Variants in JPH2 observed in about 807,000 individuals in gnomAD.
The protein encoded by JPH2 is junctophilin-2.
In JPH2, 38 loss-of-function variants were observed where a neutral mutation model predicts 55.9. The ratio of observed to expected loss-of-function variants is 0.68; its 90% CI spans 0.52 to 0.89. The LOEUF is 0.89. Ranked by LOEUF, JPH2 falls within the 40% of genes least tolerant of loss-of-function variation. The pLI, the probability that JPH2 is intolerant of heterozygous loss-of-function variation, is 0.00. For missense variants in JPH2, 964 were observed against 1,037.6 expected, an observed-to-expected ratio of 0.93 and a Z score of 0.97; for synonymous variants, 480 against 472.4, an observed-to-expected ratio of 1.02 and a Z score of -0.21.
At chr20:44,161,543 T>G (rs2072610041) in intron 1 of JPH2, among the ~76,000 whole-genome samples, 1 of 152,060 alleles carries the variant, frequency 6.6e-6, no homozygotes, top group Non-Finnish European at 1.5e-5. Context: ...TCCCTGTACC[T>G]TAGCTTCCTT....
intron 1 of JPH2, chr20:44,177,976 A>C: frequency 2.0e-6 from 2 of 1,023,804 alleles, no homozygotes; most frequent in Non-Finnish European, 3.1e-6. Flanking sequence ...CACATCCCTA[A>C]AGGAAAAAAG....
At chr20:44,120,169 G>A (rs570429368) in intron 2 of JPH2, among the ~76,000 whole-genome samples, 30 of 152,020 alleles carry the variant, frequency 2.0e-4, no homozygotes, top group Non-Finnish European at 3.4e-4. Flanking sequence ...TCTACTTCTA[G>A]GGAATCTAAC....
chr20:44,165,488 A>C (rs889558655), intron 1 of JPH2, among the ~76,000 whole-genome samples: 1 of 152,000 alleles, frequency 6.6e-6, no homozygotes, highest in African/African-American at 2.4e-5. Flanking sequence ...TCCTGATTCC[A>C]CTCTTGCCCC....
At chr20:44,140,190 A>G (rs777575235) in intron 2 of JPH2, among the ~76,000 whole-genome samples, 3 of 152,068 alleles carry the variant, frequency 2.0e-5, no homozygotes, top group Non-Finnish European at 4.4e-5. Flanking sequence ...TTTTTTTTTA[A>G]TAAAGGAAAA....
intron 1 of JPH2, among the ~76,000 whole-genome samples, chr20:44,185,469 A>ATAAT (rs1555862061): frequency 1.3e-5 from 2 of 149,652 alleles, no homozygotes; most frequent in African/African-American, 4.9e-5. Flanking sequence ...ACAAAAAAAA[A>ATAAT]AATAATAATA....
At chr20:44,145,167 C>T (rs150770178) in intron 2 of JPH2, among the ~76,000 whole-genome samples, 5 of 152,140 alleles carry the variant, frequency 3.3e-5, no homozygotes, top group Non-Finnish European at 7.4e-5. Context: ...ATCCGAATCC[C>T]TGGGGCTCAG....
chr20:44,176,587 G>A lies in JPH2; in HGVS notation c.379+9740C>T, dbSNP rs989361854. 2.0e-5 allele frequency among the ~76,000 whole-genome samples: 3 copies of A among 151,840 alleles called. No individual in the cohort carries two copies. In the East Asian group the frequency reaches 5.8e-4, roughly 29 times the overall value. ...GAAGCTGAGGCAGGAGGATGGCTCG[G>A]GCTCAGAAGTTTGAGACCAGCCAGG... On this transcript the variant is annotated intron_variant, in intron 1 of 5. Transcript: ENST00000372980.
At chr20:44,158,618 A>G (rs892482620) in intron 2 of JPH2, among the ~76,000 whole-genome samples, 2 of 152,230 alleles carry the variant, frequency 1.3e-5, no homozygotes, top group African/African-American at 4.8e-5. Context: ...TCTGAAGCAC[A>G]ATGAGAAGAC....
At chr20:44,151,906 C>T (rs558506631) in intron 2 of JPH2, among the ~76,000 whole-genome samples, 14 of 152,320 alleles carry the variant, frequency 9.2e-5, no homozygotes, top group East Asian at 3.9e-4. Context: ...CTACCTGGAA[C>T]GACCTTTCTC....
intron 1 of JPH2, among the ~76,000 whole-genome samples, chr20:44,178,251 A>C (rs2072751480): frequency 6.6e-6 from 1 of 152,278 alleles, no homozygotes; most frequent in Admixed American, 6.5e-5. Flanking sequence ...TTAACTGAGC[A>C]AGGTAAAAGA....
intron 2 of JPH2, among the ~76,000 whole-genome samples, chr20:44,129,276 C>T (rs965480745): frequency 2.0e-5 from 3 of 152,128 alleles, no homozygotes; most frequent in Admixed American, 6.5e-5. Flanking sequence ...GCTTAGCGGC[C>T]GGGCGCGGCG....
At chr20:44,142,469 T>C (rs1218733555) in intron 2 of JPH2, among the ~76,000 whole-genome samples, 1 of 152,038 alleles carries the variant, frequency 6.6e-6, no homozygotes, top group Non-Finnish European at 1.5e-5. Flanking sequence ...CTCCTCACTG[T>C]CCCCAGAGCA....
intron 2 of JPH2, among the ~76,000 whole-genome samples, chr20:44,146,174 C>T (rs1034230525): frequency 3.3e-5 from 5 of 152,066 alleles, no homozygotes; most frequent in African/African-American, 1.2e-4. Flanking sequence ...GCTGGGACTA[C>T]AGGCGCCCAC....
At chr20:44,165,468 C>T (rs1378186671) in intron 1 of JPH2, among the ~76,000 whole-genome samples, 1 of 152,190 alleles carries the variant, frequency 6.6e-6, no homozygotes, top group Non-Finnish European at 1.5e-5. Context: ...TAGTGACTGC[C>T]ATACTGGTCT....
At chr20:44,156,863 A>C (rs1439789248) in intron 2 of JPH2, among the ~76,000 whole-genome samples, 1 of 152,216 alleles carries the variant, frequency 6.6e-6, no homozygotes, top group Admixed American at 6.5e-5. Context: ...TTTTAAGAAA[A>C]TCACCCATAC....
chr20:44,126,143 G>GAGAGAGAGA (rs1569186855), intron 2 of JPH2, among the ~76,000 whole-genome samples: 1 of 26,206 alleles, frequency 3.8e-5, no homozygotes, highest in Non-Finnish European at 7.1e-5. Context: ...AAAGAGAGAG[G>GAGAGAGAGA]GAGGGAGGGA....
intron 2 of JPH2, among the ~76,000 whole-genome samples, chr20:44,152,202 G>A (rs1223105903): frequency 6.6e-6 from 1 of 152,236 alleles, no homozygotes. Flanking sequence ...ACCAACCGAA[G>A]GTCAGATCGT....
chr20:44,174,161 TATTCCTTC>T (rs1174908449), intron 1 of JPH2, among the ~76,000 whole-genome samples: 3 of 152,178 alleles, frequency 2.0e-5, no homozygotes, highest in Non-Finnish European at 4.4e-5. Context: ...AGTGTAGTCT[TATTCCTTC>T]ATTATACGGG....
In JPH2 at chr20:44,134,755, T is replaced by A. The variant is rs867241783; in HGVS notation, c.1170-16132A>T. ...TATAAATATATAAAGATATATTTAT[T>A]ATAAATATATAAAAATATTTATAAA... On this transcript the variant is annotated intron_variant, in intron 2 of 5. Coordinates refer to ENST00000372980, the MANE Select transcript of JPH2 (RefSeq NM_020433.5). Among the ~76,000 whole-genome samples, 143 of 106,774 alleles carry A rather than the reference T, an allele frequency of 1.3e-3. 6 individuals carry two copies. The highest frequency in any genetic ancestry group is 4.3e-3 in the African/African-American group (111 of 26,038). 70.0% of individuals were successfully genotyped at this position (106,774 alleles called of 152,430 possible).
Sources: allele counts gnomAD v4.1 joint callset (sites outside exome capture counted in the v4.1 genomes callset), GRCh38; gene constraint gnomAD v4.1.1; transcripts MANE v1.5; gene names NCBI Gene and HGNC (gene_info 2026-07-23, HGNC 2026-07-21).